IFT140: variants seen among roughly 807,000 people sequenced by gnomAD.
IFT140 encodes intraflagellar transport 140.
A neutral mutation model predicts 164.6 loss-of-function variants in IFT140; 133 were observed. The observed-to-expected ratio is 0.81, with a 90% CI of 0.70 to 0.93. The LOEUF is 0.93. IFT140 is among the 40% of genes least tolerant of loss of function. The pLI, the probability that IFT140 is intolerant of heterozygous loss-of-function variation, is 0.00. For missense variants in IFT140, 2,045 were observed against 1,972.3 expected (o/e 1.04, Z -0.70); for synonymous variants, 860 against 817.3 (o/e 1.05, Z -0.89).
Position 1,607,204 on chromosome 16 carries a change from G to T in IFT140, c.63C>A (p.Ile21=), listed in dbSNP as rs1210278829. ...APDAAGSPSF[I]SWHPVHPFLA... ...AGAATGGATGGACAGGGTGCCAGCT[G>T]ATAAATGAGGGTGACCCTGCTGCAT... The change falls in exon 3 of 31, where the codon ATC becomes ATA. Residue 21 remains isoleucine (I), a synonymous_variant. Transcript: ENST00000426508. 6.2e-7 allele frequency: 1 copy of T among 1,614,040 alleles called. No individual in the cohort carries two copies. The highest frequency in any genetic ancestry group is 1.3e-5 in the African/African-American group (1 of 74,920).
chr16:1,521,152 C>T (rs2141150513), intron 26 of IFT140, among the ~76,000 whole-genome samples: 1 of 152,336 alleles, frequency 6.6e-6, no homozygotes, highest in Admixed American at 6.5e-5. Flanking sequence ...CAGGGTCTCA[C>T]TCTGTCCCCC....
intron 19 of IFT140, among the ~76,000 whole-genome samples, chr16:1,544,586 T>C (rs952524732): frequency 9.2e-5 from 14 of 151,958 alleles, no homozygotes; most frequent in Non-Finnish European, 1.9e-4. Flanking sequence ...CACCTCAGCC[T>C]CCCAAAGTGC....
Position 1,584,346 on chromosome 16 carries a change from C to T in IFT140, c.1230G>A (p.Ser410=), listed in dbSNP as rs199840711. The T allele has an allele frequency of 4.6e-4, 744 of 1,613,314 alleles. 6 individuals carry two copies. The East Asian group carries it at 8.8e-3, about 19-fold the overall frequency. ...CGGCCACTTGCTGGTGGAAGTGTGA[C>T]GACATGGCCCGCTCGCTGAGGATGG... ...SVAILSERAM[S]SHFHQQVAAM... Residue 410 remains serine, a synonymous_variant, in exon 11 of 31, where the codon TCG becomes TCA. Coordinates refer to ENST00000426508, the MANE Select transcript of IFT140 (RefSeq NM_014714.4).
intron 19 of IFT140, chr16:1,532,776 G>A (rs765212218): frequency 1.3e-5 from 2 of 152,240 alleles, no homozygotes; most frequent in African/African-American, 2.4e-5. Context: ...CCCTCTCGTG[G>A]TGTCTGCCCA....
At chr16:1,557,741 G>A in intron 19 of IFT140, 194 bp downstream of exon 19, 5 of 607,072 alleles carry the variant, frequency 8.2e-6, no homozygotes, top group Non-Finnish European at 1.4e-5. Context: ...CAGCACCAGA[G>A]AGGCTGAGAG....
chr16:1,535,803 A>T (rs2031007236), intron 19 of IFT140, among the ~76,000 whole-genome samples: 1 of 152,194 alleles, frequency 6.6e-6, no homozygotes, highest in South Asian at 2.1e-4. Flanking sequence ...CGCATCCTTC[A>T]CCAGCAGGGA....
Position 1,571,560 on chromosome 16 carries a change from T to A in IFT140, c.1525-26A>T, listed in dbSNP as rs769543341. The A allele has an allele frequency of 3.1e-6, 5 of 1,602,382 alleles. No homozygotes were observed. The South Asian group carries it at 5.6e-5, about 18-fold the overall frequency. The stretch of plus-strand genomic sequence containing the variant: ...CTGAGGAAAAGGAACAAGAAATGGA[T>A]ATATTTCATGTTAGTTACTGAACAT... On this transcript the variant is annotated intron_variant, in intron 13 of 30. Transcript: ENST00000426508.
At chr16:1,525,369 A>C in intron 21 of IFT140, 43 bp from the exon 22 acceptor site, 1 of 1,492,064 alleles carries the variant, frequency 6.7e-7, no homozygotes, top group Non-Finnish European at 9.3e-7. Context: ...CTCCCATCCC[A>C]GCCCCACGGG....
chr16:1,565,316 G>A (rs1408985642), intron 16 of IFT140, among the ~76,000 whole-genome samples: 1 of 152,078 alleles, frequency 6.6e-6, no homozygotes, highest in South Asian at 2.1e-4. Context: ...TGGGAGAATG[G>A]GGCCTGCACT....
intron 4 of IFT140, among the ~76,000 whole-genome samples, chr16:1,594,100 G>A (rs1054668651): frequency 1.3e-5 from 2 of 152,212 alleles, no homozygotes; most frequent in Non-Finnish European, 2.9e-5. Context: ...CTCACATTGT[G>A]CCAGCTTTAA....
At chr16:1,578,881 T>C (rs1205434471) in intron 13 of IFT140, among the ~76,000 whole-genome samples, 1 of 152,126 alleles carries the variant, frequency 6.6e-6, no homozygotes, top group Non-Finnish European at 1.5e-5. Flanking sequence ...TCAGCCAATT[T>C]TTTTTTGTTC....
chr16:1,555,836 G>A (rs1426388415), intron 19 of IFT140, among the ~76,000 whole-genome samples: 2 of 152,168 alleles, frequency 1.3e-5, no homozygotes, highest in East Asian at 1.9e-4. Flanking sequence ...GTGCGCGATG[G>A]CTCACACCTG....
At chr16:1,528,286 T>C (rs908531987) in intron 19 of IFT140, among the ~76,000 whole-genome samples, 15 of 151,470 alleles carry the variant, frequency 9.9e-5, no homozygotes, top group African/African-American at 3.7e-4. Flanking sequence ...GCGCCTCCCC[T>C]ACAAGCCCCA....
At chr16:1,543,623 T>C (rs1452887123) in intron 19 of IFT140, among the ~76,000 whole-genome samples, 2 of 152,172 alleles carry the variant, frequency 1.3e-5, no homozygotes, top group Admixed American at 6.5e-5. Flanking sequence ...AAAAGGGTAA[T>C]TTCTGCCCCC....
intron 18 of IFT140, among the ~76,000 whole-genome samples, chr16:1,561,274 G>C (rs541068118): frequency 6.6e-6 from 1 of 152,220 alleles, no homozygotes; most frequent in Admixed American, 6.5e-5. Flanking sequence ...TGATCAGCAC[G>C]CCCTCTCAGA....
intron 24 of IFT140, 27 bp from the exon 25 acceptor site, chr16:1,523,983 A>G: frequency 6.2e-7 from 1 of 1,604,072 alleles, no homozygotes; most frequent in Non-Finnish European, 8.5e-7. Context: ...AGGGCCCTGA[A>G]GCGGCTCCCA....
intron 19 of IFT140, among the ~76,000 whole-genome samples, chr16:1,530,014 G>A (rs915502922): frequency 6.6e-6 from 1 of 152,154 alleles, no homozygotes; most frequent in African/African-American, 2.4e-5. Flanking sequence ...TCTAACATCT[G>A]GGTGGTGGCA....
chr16:1,512,452 G>C (rs1038785492), intron 30 of IFT140, among the ~76,000 whole-genome samples: 1 of 152,120 alleles, frequency 6.6e-6, no homozygotes, highest in South Asian at 2.1e-4. Context: ...TCTCAGTTTA[G>C]CTGCGCTTCC....
intron 3 of IFT140, among the ~76,000 whole-genome samples, chr16:1,605,440 C>G (rs1015730664): frequency 2.6e-5 from 4 of 152,160 alleles, no homozygotes; most frequent in African/African-American, 4.8e-5. Flanking sequence ...GAGTCTCACT[C>G]TGTTGCCCAG....
Sources: gnomAD v4.1 joint callset for allele counts (sites outside exome capture counted in the v4.1 genomes callset) on GRCh38, gnomAD v4.1.1 for gene constraint, MANE v1.5 for transcripts, NCBI Gene and HGNC (gene_info 2026-07-23, HGNC 2026-07-21) for gene names.